CNTNAP2: variants seen among roughly 807,000 people sequenced by gnomAD.
The protein encoded by CNTNAP2 is contactin associated protein 2.
Under a neutral mutation model 155.2 loss-of-function variants are expected in CNTNAP2, and 98 were observed. That is an observed-to-expected ratio of 0.63 (90% CI 0.54 to 0.75). The LOEUF (loss-of-function observed/expected upper bound fraction) is 0.75. Ranked by LOEUF, CNTNAP2 falls within the 30% of genes least tolerant of loss-of-function variation. The pLI is 0.00. For synonymous variants in CNTNAP2, 651 were observed against 631.2 expected, an observed-to-expected ratio of 1.03 and a Z score of -0.47; for missense variants, 1,727 against 1,688.1, an observed-to-expected ratio of 1.02 and a Z score of -0.40.
At chr7:146,180,937 G>A (rs1398689688) in intron 1 of CNTNAP2, among the ~76,000 whole-genome samples, 2 of 152,094 alleles carry the variant, frequency 1.3e-5, no homozygotes, top group Non-Finnish European at 2.9e-5. Context: ...GAACACAAAA[G>A]CAGGAGGAGG....
intron 17 of CNTNAP2, among the ~76,000 whole-genome samples, chr7:148,148,631 G>A (rs1323437205): frequency 4.6e-5 from 7 of 152,248 alleles, no homozygotes; most frequent in Non-Finnish European, 7.3e-5. Context: ...TCCACCCTAC[G>A]TTACAGCCTC....
intron 4 of CNTNAP2, among the ~76,000 whole-genome samples, chr7:147,087,555 A>G (rs1264513477): frequency 2.6e-5 from 4 of 152,162 alleles, no homozygotes; most frequent in African/African-American, 9.6e-5. Context: ...TTTCTATTTC[A>G]CTTTTTAATA....
At position 146,629,952 on chromosome 7, in the gene CNTNAP2, TATAAA is replaced by T. The variant is rs201481028; in HGVS notation, c.98-144313_98-144309del. Among the ~76,000 whole-genome samples, 23 of 152,262 alleles carry T rather than the reference TATAAA, an allele frequency of 1.5e-4. No individual in the cohort carries two copies. In the East Asian group the frequency reaches 4.4e-3, roughly 29 times the overall value. Reference sequence around the variant, plus strand: ...ACTGGATAGTTAAGAAATTTTATTTTATAAAATAAATTTGACCATATAATGCATAG... The same window carrying T: ...ACTGGATAGTTAAGAAATTTTATTTTATAAATTTGACCATATAATGCATAG... On this transcript the variant is annotated intron_variant, in intron 1 of 23. Transcript: ENST00000361727.
intron 13 of CNTNAP2, among the ~76,000 whole-genome samples, chr7:147,868,723 T>A (rs529728056): frequency 6.6e-6 from 1 of 152,318 alleles, no homozygotes; most frequent in East Asian, 1.9e-4. Flanking sequence ...CAGTTTGATC[T>A]CAGACTGCTG....
chr7:146,445,111 G>A (rs958934091), intron 1 of CNTNAP2, among the ~76,000 whole-genome samples: 2 of 100,734 alleles, frequency 2.0e-5, no homozygotes, highest in African/African-American at 2.1e-4. Flanking sequence ...TTATACCAGA[G>A]TCACCAAAAT....
chr7:146,745,264 A>T (rs2129181585), intron 1 of CNTNAP2, among the ~76,000 whole-genome samples: 1 of 152,256 alleles, frequency 6.6e-6, no homozygotes, highest in East Asian at 1.9e-4. Context: ...AATTAGTCCT[A>T]ATTGTGCTAG....
intron 3 of CNTNAP2, among the ~76,000 whole-genome samples, chr7:146,950,098 A>G (rs144308508): frequency 6.6e-6 from 1 of 152,262 alleles, no homozygotes; most frequent in Non-Finnish European, 1.5e-5. Context: ...CCAAAATACA[A>G]ATTTCCTAAA....
At chr7:146,625,609 A>AGAC (rs749133830) in intron 1 of CNTNAP2, among the ~76,000 whole-genome samples, 32 of 152,194 alleles carry the variant, frequency 2.1e-4, no homozygotes, top group Non-Finnish European at 3.4e-4. Flanking sequence ...TCTTAATAAA[A>AGAC]GACGCATTTT....
chr7:147,120,988 A>C lies in CNTNAP2; in HGVS notation c.764A>C (p.Gln255Pro), dbSNP rs1313487833. 2.5e-6 allele frequency: 4 copies of C among 1,613,652 alleles called. No homozygotes were observed. In the South Asian group the frequency reaches 4.4e-5, roughly 18 times the overall value. The change falls in exon 6 of 24, where the codon CAG becomes CCG. Residue 255 changes from glutamine to proline, a missense_variant. Transcript: ENST00000361727. ...LVLSLNLGSNQLGPIYGHTSV... is the reference protein window; with the variant it reads ...LVLSLNLGSNPLGPIYGHTSV... The stretch of plus-strand genomic sequence containing the variant: ...ACTTCTGTGTACGCAGGAAGCAACC[A>C]GCTTGGCCCCATATATGGCCACACA...
Position 147,306,933 on chromosome 7 carries a change from T to A in CNTNAP2, c.1498+6643T>A, listed in dbSNP as rs192228907. On this transcript the variant is annotated intron_variant, in intron 9 of 23. Transcript: ENST00000361727. ...AACCACACACACACAAAGAGTGCAA[T>A]TAAAAGAAGAAAAAAATCTTAAATT... Among the ~76,000 whole-genome samples, 316 of 152,306 alleles carry A rather than the reference T, an allele frequency of 2.1e-3. 1 individual carries two copies. The highest frequency in any genetic ancestry group is 7.3e-3 in the African/African-American group (304 of 41,576).
intron 4 of CNTNAP2, among the ~76,000 whole-genome samples, chr7:147,083,992 A>G (rs907491413): frequency 3.8e-5 from 5 of 131,698 alleles, no homozygotes; most frequent in African/African-American, 1.4e-4. Context: ...ATATGTATAT[A>G]TAATACATAT....
chr7:146,741,882 T>C (rs1259184910), intron 1 of CNTNAP2, among the ~76,000 whole-genome samples: 1 of 151,934 alleles, frequency 6.6e-6, no homozygotes, highest in African/African-American at 2.4e-5. Context: ...TAGAGGATAA[T>C]TAGGAAATAT....
chr7:148,299,495 A>G (rs1797344224), intron 21 of CNTNAP2, among the ~76,000 whole-genome samples: 1 of 152,170 alleles, frequency 6.6e-6, no homozygotes, highest in Non-Finnish European at 1.5e-5. Flanking sequence ...GACAGGATGC[A>G]CCTCCAATGA....
At chr7:148,325,139 T>C (rs1243988540) in intron 21 of CNTNAP2, among the ~76,000 whole-genome samples, 1 of 152,246 alleles carries the variant, frequency 6.6e-6, no homozygotes, top group Non-Finnish European at 1.5e-5. Context: ...GTAAAATAAA[T>C]GGACAGATTT....
At chr7:147,476,035 C>G (rs1266142145) in intron 10 of CNTNAP2, among the ~76,000 whole-genome samples, 1 of 152,050 alleles carries the variant, frequency 6.6e-6, no homozygotes, top group African/African-American at 2.4e-5. Context: ...TATCGATAAT[C>G]TTACCTGTTA....
rs183934610 is a variant in CNTNAP2 at position 148,140,427 on chromosome 7, T to C, written c.2555-7064T>C. Among the ~76,000 whole-genome samples the C allele has an allele frequency of 2.7e-3, 401 of 150,832 alleles. 3 individuals carry two copies. The highest frequency in any genetic ancestry group is 9.4e-3 in the African/African-American group (387 of 41,190). On this transcript the variant is annotated intron_variant, in intron 16 of 23. Coordinates refer to ENST00000361727, the MANE Select transcript of CNTNAP2 (RefSeq NM_014141.6). ...CCCCATCTTTTTTCTTTTTCTTTTT[T>C]TTTTTTTTTTTGAGACAGAGTTTCG...
chr7:148,092,898 AAC>A lies in CNTNAP2; in HGVS notation c.2384-25218_2384-25217del, dbSNP rs1554471481. 4.9e-3 allele frequency among the ~76,000 whole-genome samples: 727 copies of A among 149,212 alleles called. 5 individuals are homozygous for A. The highest frequency in any genetic ancestry group is 0.016 in the African/African-American group (665 of 40,950). On this transcript the variant is annotated intron_variant, in intron 15 of 23. Coordinates refer to ENST00000361727, the MANE Select transcript of CNTNAP2 (RefSeq NM_014141.6). ...TCAATTTAAAAAAAAAAAAAAAAAA[AAC>A]AACCACAAAGCTTTGGTCCAGGTGC...
intron 1 of CNTNAP2, among the ~76,000 whole-genome samples, chr7:146,546,730 G>T (rs936185076): frequency 6.6e-6 from 1 of 151,866 alleles, no homozygotes; most frequent in Non-Finnish European, 1.5e-5. Flanking sequence ...GGTGAAGGAG[G>T]AGCAAAAGCA....
chr7:146,181,647 A>G (rs765374184), intron 1 of CNTNAP2, among the ~76,000 whole-genome samples: 7 of 152,168 alleles, frequency 4.6e-5, no homozygotes, highest in African/African-American at 7.2e-5. Flanking sequence ...AACATTCAAA[A>G]TAAGTATTAT....
Sources: allele counts gnomAD v4.1 joint callset (sites outside exome capture counted in the v4.1 genomes callset), GRCh38; gene constraint gnomAD v4.1.1; transcripts MANE v1.5; gene names NCBI Gene and HGNC (gene_info 2026-07-23, HGNC 2026-07-21).